PKHD1: variants seen among roughly 807,000 people sequenced by gnomAD.
The protein encoded by PKHD1 is PKHD1 ciliary IPT domain containing fibrocystin/polyductin, also known as fibrocystin.
PKHD1 carries 291 observed loss-of-function variants against 412.0 expected under a neutral mutation model. The observed-to-expected ratio is 0.71, with a 90% CI of 0.64 to 0.78. The LOEUF (loss-of-function observed/expected upper bound fraction) is 0.78. Ranked by LOEUF, PKHD1 falls within the 30% of genes least tolerant of loss-of-function variation. The probability of loss-of-function intolerance (pLI) is 0.00; values close to 1 mark genes in which losing one functional copy is unlikely to be tolerated. For synonymous variants in PKHD1, 1,777 were observed against 1,821.5 expected (o/e 0.98, Z 0.62); for missense variants, 4,825 against 4,950.7 (o/e 0.97, Z 0.76).
At chr6:51,827,852 T>C (rs2151492590) in intron 52 of PKHD1, among the ~76,000 whole-genome samples, 1 of 152,142 alleles carries the variant, frequency 6.6e-6, no homozygotes, top group South Asian at 2.1e-4. Flanking sequence ...GAAAGGGGTG[T>C]TCATTTGAAT....
intron 52 of PKHD1, among the ~76,000 whole-genome samples, chr6:51,825,399 CCTTT>C (rs1293655446): frequency 1.3e-5 from 2 of 152,144 alleles, no homozygotes; most frequent in African/African-American, 4.8e-5. Flanking sequence ...TTTTGGAACA[CCTTT>C]CTTAGGCTAT....
intron 63 of PKHD1, among the ~76,000 whole-genome samples, chr6:51,642,456 A>G (rs1769492293): frequency 6.6e-6 from 1 of 152,180 alleles, no homozygotes; most frequent in Admixed American, 6.5e-5. Context: ...GGCATGGAGT[A>G]TGTGTAAGTT....
chr6:51,656,698 T>C (rs2150400382), intron 61 of PKHD1, among the ~76,000 whole-genome samples: 1 of 151,032 alleles, frequency 6.6e-6, no homozygotes, highest in South Asian at 2.1e-4. Flanking sequence ...TCTGGCTCTG[T>C]CACCCAGGCT....
intron 46 of PKHD1, among the ~76,000 whole-genome samples, chr6:51,871,602 T>C (rs1775997804): frequency 8.4e-6 from 1 of 118,766 alleles, no homozygotes. Context: ...GTGGTGGTTG[T>C]TACACAAATG....
chr6:52,002,850 A>G (rs556371376), intron 35 of PKHD1, among the ~76,000 whole-genome samples: 2 of 152,332 alleles, frequency 1.3e-5, no homozygotes, highest in South Asian at 4.1e-4. Flanking sequence ...AATTTGTCAC[A>G]TAGCTGGATT....
chr6:52,006,216 C>T (rs531262453), intron 35 of PKHD1, among the ~76,000 whole-genome samples: 3 of 151,714 alleles, frequency 2.0e-5, no homozygotes, highest in African/African-American at 7.3e-5. Flanking sequence ...CTCTTGTCAC[C>T]CAGGCTGGAG....
Position 52,025,480 on chromosome 6 carries a change from G to C in PKHD1, c.4330C>G (p.Gln1444Glu). The stretch of plus-strand genomic sequence containing the variant: ...AAGGGGTCACCCTCCAGGCTAACCT[G>C]GCAGAGAATGGTGTGGTCTCCCAAA... ...LSLGDHTILC[Q>E]VSLEGDPLPG... Residue 1444 changes from glutamine (Q) to glutamate (E), a missense_variant, in exon 32 of 67, where the codon CAG becomes GAG. Gln to Glu is a conservative substitution (Grantham distance 29). Transcript: ENST00000371117. 6.2e-7 allele frequency: 1 copy of C among 1,612,092 alleles called. No homozygotes were observed. The highest frequency in any genetic ancestry group is 8.5e-7 in the Non-Finnish European group (1 of 1,178,504).
rs112123646 is a variant in PKHD1 at position 51,722,095 on chromosome 6, C to A, written c.10156+22290G>T. ...TATGTCTCCACCCTTCTTTTCTTCT[C>A]GGCATGCTTTCCACATTGCATCCAA... On this transcript the variant is annotated intron_variant, in intron 60 of 66. Transcript: ENST00000371117. 2.2e-5 allele frequency: 36 copies of A among 1,610,600 alleles called. No individual in the cohort carries two copies. The African/African-American group carries it at 3.7e-4, about 17-fold the overall frequency.
At chr6:51,810,362 A>C (rs1444546484) in intron 52 of PKHD1, among the ~76,000 whole-genome samples, 1 of 152,146 alleles carries the variant, frequency 6.6e-6, no homozygotes. Flanking sequence ...TTTCTACACC[A>C]AAAGAAAACA....
At chr6:52,027,658 A>G (rs558889930) in intron 31 of PKHD1, among the ~76,000 whole-genome samples, 171 bp downstream of exon 31, 91 of 152,236 alleles carry the variant, frequency 6.0e-4, no homozygotes, top group Non-Finnish European at 1.0e-3. Flanking sequence ...TGAATCACCA[A>G]GTTTTAACAC....
At chr6:51,939,737 T>A (rs1328326754) in intron 36 of PKHD1, among the ~76,000 whole-genome samples, 1 of 151,374 alleles carries the variant, frequency 6.6e-6, no homozygotes, top group Non-Finnish European at 1.5e-5. Flanking sequence ...TCCCTCCTGT[T>A]CTCTCAGTCC....
intron 35 of PKHD1, among the ~76,000 whole-genome samples, chr6:51,979,677 G>A (rs902037421): frequency 7.2e-5 from 11 of 151,958 alleles, no homozygotes; most frequent in African/African-American, 2.7e-4. Context: ...AGTGCCTAGA[G>A]AACAAAGTCC....
chr6:51,767,334 C>A (rs1235888133), intron 55 of PKHD1, among the ~76,000 whole-genome samples: 1 of 151,324 alleles, frequency 6.6e-6, no homozygotes, highest in Non-Finnish European at 1.5e-5. Context: ...TTATTCTTTT[C>A]TTTTATTTTA....
intron 57 of PKHD1, among the ~76,000 whole-genome samples, chr6:51,750,938 G>A (rs1178716416): frequency 1.3e-5 from 2 of 151,852 alleles, no homozygotes; most frequent in African/African-American, 2.4e-5. Flanking sequence ...CACCATGCTT[G>A]GCTAATTTTT....
intron 52 of PKHD1, among the ~76,000 whole-genome samples, chr6:51,827,683 T>C (rs1036598862): frequency 6.6e-5 from 10 of 152,186 alleles, no homozygotes; most frequent in African/African-American, 2.4e-4. Flanking sequence ...ATTATGGCTA[T>C]TTGTTGTATT....
intron 35 of PKHD1, among the ~76,000 whole-genome samples, chr6:52,005,923 G>A (rs1487630203): frequency 6.7e-6 from 1 of 149,228 alleles, no homozygotes; most frequent in East Asian, 1.9e-4. Flanking sequence ...GTGATAAGAG[G>A]ACAACTTGCC....
At chr6:51,827,802 A>G (rs568251046) in intron 52 of PKHD1, among the ~76,000 whole-genome samples, 4 of 152,122 alleles carry the variant, frequency 2.6e-5, no homozygotes, top group Non-Finnish European at 5.9e-5. Context: ...TGTGCCTTGA[A>G]CAGAGTGAAT....
intron 52 of PKHD1, among the ~76,000 whole-genome samples, chr6:51,825,494 C>T (rs1249950102): frequency 6.6e-6 from 1 of 152,044 alleles, no homozygotes; most frequent in Non-Finnish European, 1.5e-5. Context: ...GAACTGAGGC[C>T]TCTTAGTTGA....
chr6:51,691,319 GA>G (rs1778129829), intron 60 of PKHD1, among the ~76,000 whole-genome samples: 1 of 152,022 alleles, frequency 6.6e-6, no homozygotes, highest in Admixed American at 6.6e-5. Context: ...ATACCCAAAG[GA>G]ATATAAATCA....
Sources: gnomAD v4.1 joint callset for allele counts (sites outside exome capture counted in the v4.1 genomes callset) on GRCh38, gnomAD v4.1.1 for gene constraint, MANE v1.5 for transcripts, NCBI Gene and HGNC (gene_info 2026-07-23, HGNC 2026-07-21) for gene names.